Variants in GALNT17 observed in about 807,000 individuals in gnomAD.
GALNT17 encodes polypeptide N-acetylgalactosaminyltransferase 17.
A neutral mutation model predicts 63.7 loss-of-function variants in GALNT17; 29 were observed. The observed-to-expected ratio is 0.46, with a 90% CI of 0.34 to 0.62. GALNT17 has a LOEUF of 0.62. Among genes scored for constraint, GALNT17 ranks in the 20% least tolerant of loss-of-function variants. The pLI is 0.01. For missense variants in GALNT17, 603 were observed against 799.6 expected, an observed-to-expected ratio of 0.75 and a Z score of 2.97; for synonymous variants, 305 against 318.3, an observed-to-expected ratio of 0.96 and a Z score of 0.45.
At chr7:71,584,939 A>G (rs1369062370) in intron 6 of GALNT17, among the ~76,000 whole-genome samples, 1 of 152,110 alleles carries the variant, frequency 6.6e-6, no homozygotes, top group Non-Finnish European at 1.5e-5. Context: ...TATTTTTAGT[A>G]GAGACGGGGT....
chr7:71,309,032 C>T (rs959704506), intron 1 of GALNT17, among the ~76,000 whole-genome samples: 2 of 152,178 alleles, frequency 1.3e-5, no homozygotes, highest in Admixed American at 6.5e-5. Context: ...ATGTGAGCCA[C>T]TGCGCCCAGC....
In GALNT17 at chr7:71,239,304, CAAA is replaced by C. The variant is rs1554343108; in HGVS notation, c.239-96239_239-96237del. 5.4e-4 allele frequency among the ~76,000 whole-genome samples: 81 copies of C among 150,236 alleles called. 1 individual carries two copies. Among genetic ancestry groups the C allele is most frequent in the African/African-American group, 1.9e-3 (77 of 40,908 alleles). On this transcript the variant is annotated intron_variant, in intron 1 of 10. Transcript: ENST00000333538. The stretch of plus-strand genomic sequence containing the variant: ...GTGAGACCCTGTCTGTACCCCCCCC[CAAA>C]AAAAAATAAATAAAAATTAGCTGGG...
At chr7:71,232,863 G>C (rs1051946248) in intron 1 of GALNT17, among the ~76,000 whole-genome samples, 20 of 152,214 alleles carry the variant, frequency 1.3e-4, no homozygotes, top group African/African-American at 4.6e-4. Flanking sequence ...TGTATGTTAT[G>C]GAGAGGTGCT....
chr7:71,352,816 T>G (rs1456826997), intron 2 of GALNT17, among the ~76,000 whole-genome samples: 2 of 151,888 alleles, frequency 1.3e-5, no homozygotes, highest in African/African-American at 2.4e-5. Context: ...ATGAAGCAGG[T>G]AGAAATCCAG....
chr7:71,388,383 G>C lies in GALNT17; in HGVS notation c.571G>C (p.Asp191His). 1 of 1,613,980 alleles carries C rather than the reference G, an allele frequency of 6.2e-7. No individual in the cohort carries two copies. Among genetic ancestry groups the C allele is most frequent in the Non-Finnish European group, 8.5e-7 (1 of 1,179,946 alleles). The change falls in exon 3 of 11, where the codon GAT becomes CAT. Residue 191 changes from aspartate (D) to histidine (H), a missense_variant. Transcript: ENST00000333538. The stretch of plus-strand genomic sequence containing the variant: ...CCTGCTGAAGGAAATCATTCTGGTG[G>C]ATGACAACAGCGACGAAGGTACAGG... ...THLLKEIILVDDNSDEEELKV... is the reference protein window; with the variant it reads ...THLLKEIILVHDNSDEEELKV...
chr7:71,432,767 A>G (rs2116491922), intron 5 of GALNT17, among the ~76,000 whole-genome samples: 1 of 152,294 alleles, frequency 6.6e-6, no homozygotes, highest in East Asian at 1.9e-4. Flanking sequence ...CAGGAGTTCA[A>G]GGCCAGCTTG....
intron 6 of GALNT17, among the ~76,000 whole-genome samples, chr7:71,604,013 A>G (rs1790008806): frequency 6.6e-6 from 1 of 151,670 alleles, no homozygotes; most frequent in African/African-American, 2.4e-5. Context: ...AGTGGATACT[A>G]TGCTAAGTGC....
chr7:71,628,900 T>TC (rs1584100232), intron 6 of GALNT17, among the ~76,000 whole-genome samples: 12 of 152,212 alleles, frequency 7.9e-5, no homozygotes, highest in Admixed American at 5.9e-4. Context: ...CCACTGCACC[T>TC]CAGCCTGGAT....
intron 2 of GALNT17, among the ~76,000 whole-genome samples, chr7:71,345,605 C>A (rs1792076709): frequency 1.3e-5 from 2 of 152,148 alleles, no homozygotes; most frequent in Non-Finnish European, 2.9e-5. Context: ...GATGTCTGGG[C>A]TGACCATGGG....
At chr7:71,291,918 C>T (rs1011858954) in intron 1 of GALNT17, among the ~76,000 whole-genome samples, 2 of 152,050 alleles carry the variant, frequency 1.3e-5, no homozygotes, top group African/African-American at 2.4e-5. Flanking sequence ...CTTATTTTCC[C>T]CTTCCCAGTT....
intron 1 of GALNT17, among the ~76,000 whole-genome samples, chr7:71,249,503 G>A (rs186788735): frequency 8.7e-4 from 132 of 152,300 alleles, no homozygotes; most frequent in African/African-American, 2.3e-3. Context: ...ATGAGATGAT[G>A]AAGATGAAAT....
At chr7:71,505,663 A>G (rs1788254884) in intron 5 of GALNT17, among the ~76,000 whole-genome samples, 1 of 152,076 alleles carries the variant, frequency 6.6e-6, no homozygotes, top group African/African-American at 2.4e-5. Flanking sequence ...CCATTACCCC[A>G]TTATGTGCTC....
At chr7:71,594,185 C>CTG (rs1206841272) in intron 6 of GALNT17, among the ~76,000 whole-genome samples, 4 of 152,100 alleles carry the variant, frequency 2.6e-5, no homozygotes, top group African/African-American at 9.7e-5. Context: ...CAGGGACCAG[C>CTG]TGGGGTGGAT....
chr7:71,556,541 C>A (rs751888576), intron 5 of GALNT17, among the ~76,000 whole-genome samples: 2 of 152,008 alleles, frequency 1.3e-5, no homozygotes, highest in Non-Finnish European at 2.9e-5. Flanking sequence ...CTAAACTCAC[C>A]CTCGGCATCA....
intron 1 of GALNT17, among the ~76,000 whole-genome samples, chr7:71,219,914 G>C (rs922459312): frequency 6.6e-6 from 1 of 152,330 alleles, no homozygotes; most frequent in Non-Finnish European, 1.5e-5. Flanking sequence ...TGCTCTGGCA[G>C]GTGGATGGCT....
chr7:71,544,421 C>T (rs1278432286), intron 5 of GALNT17, among the ~76,000 whole-genome samples: 4 of 151,616 alleles, frequency 2.6e-5, no homozygotes, highest in Non-Finnish European at 5.9e-5. Flanking sequence ...GGATTACAGG[C>T]GTGAGCCACC....
chr7:71,526,777 GTGT>G (rs1788631942), intron 5 of GALNT17, among the ~76,000 whole-genome samples: 1 of 152,118 alleles, frequency 6.6e-6, no homozygotes, highest in South Asian at 2.1e-4. Context: ...GCCTCCTGAA[GTGT>G]TGTGATTACA....
At chr7:71,572,462 A>G (rs1410900307) in intron 6 of GALNT17, among the ~76,000 whole-genome samples, 1 of 141,966 alleles carries the variant, frequency 7.0e-6, no homozygotes, top group Non-Finnish European at 1.5e-5. Flanking sequence ...TGATTATGCC[A>G]TTACACTCCA....
intron 1 of GALNT17, among the ~76,000 whole-genome samples, chr7:71,194,155 C>T (rs1386268746): frequency 6.6e-6 from 1 of 152,102 alleles, no homozygotes; most frequent in Non-Finnish European, 1.5e-5. Context: ...AAACGATCCT[C>T]CCACCTCAGC....
Sources: allele counts gnomAD v4.1 joint callset (sites outside exome capture counted in the v4.1 genomes callset), GRCh38; gene constraint gnomAD v4.1.1; transcripts MANE v1.5; gene names NCBI Gene and HGNC (gene_info 2026-07-23, HGNC 2026-07-21).